FBLN5: variants seen among roughly 807,000 people sequenced by gnomAD.
The protein encoded by FBLN5 is fibulin 5.
FBLN5 carries 24 observed loss-of-function variants against 61.6 expected under a neutral mutation model. The ratio of observed to expected loss-of-function variants is 0.39; its 90% confidence interval spans 0.28 to 0.55. The LOEUF (loss-of-function observed/expected upper bound fraction) is 0.55. Ranked by LOEUF, FBLN5 falls within the 20% of genes least tolerant of loss-of-function variation. FBLN5 has a pLI of 0.65. For synonymous variants in FBLN5, 213 were observed against 219.8 expected, an observed-to-expected ratio of 0.97 and a Z score of 0.27; for missense variants, 470 against 594.1, an observed-to-expected ratio of 0.79 and a Z score of 2.17.
chr14:91,929,782 T>C (rs540913195), intron 4 of FBLN5, among the ~76,000 whole-genome samples: 1 of 152,348 alleles, frequency 6.6e-6, no homozygotes, highest in South Asian at 2.1e-4. Context: ...AATTAAAGGG[T>C]GTTCCCTGGA....
chr14:91,946,665 A>G, intron 1 of FBLN5: 1 of 1,430,026 alleles, frequency 7.0e-7, no homozygotes, highest in Non-Finnish European at 9.5e-7. Flanking sequence ...AGGATTACTT[A>G]ACTGTAATTG....
chr14:91,900,735 G>A (rs1227223259), intron 4 of FBLN5, among the ~76,000 whole-genome samples: 1 of 152,206 alleles, frequency 6.6e-6, no homozygotes, highest in Non-Finnish European at 1.5e-5. Context: ...CTGCCTCGTA[G>A]GTAGATGTGA....
chr14:91,921,861 G>C (rs1287710639), intron 4 of FBLN5, among the ~76,000 whole-genome samples: 1 of 152,178 alleles, frequency 6.6e-6, no homozygotes, highest in African/African-American at 2.4e-5. Flanking sequence ...GTAGAGAAAG[G>C]AGCTGGCATG....
At chr14:91,875,939 A>C (rs1889142915) in intron 10 of FBLN5, among the ~76,000 whole-genome samples, 1 of 152,244 alleles carries the variant, frequency 6.6e-6, no homozygotes, top group South Asian at 2.1e-4. Flanking sequence ...CCAGGTGCTC[A>C]CAGGTTTGAT....
chr14:91,918,705 C>T (rs563535094), intron 4 of FBLN5, among the ~76,000 whole-genome samples: 1 of 152,324 alleles, frequency 6.6e-6, no homozygotes, highest in African/African-American at 2.4e-5. Context: ...ACCTCATCTT[C>T]CTGTTTATCC....
intron 4 of FBLN5, among the ~76,000 whole-genome samples, chr14:91,910,988 A>ATTT (rs34810596): frequency 6.8e-6 from 1 of 147,716 alleles, no homozygotes; most frequent in African/African-American, 2.5e-5. Flanking sequence ...TAGCTTTGTA[A>ATTT]TTTTTTTTTT....
rs1245050125 is a variant in FBLN5, at chr14:91,940,594, T to C, written c.95A>G (p.Asp32Gly). ...ACACTGTCCTGACTGGCGATCCAGG[T>C]CAAAGCCATTCGTGCACTGTGCCTG... ...NAQAQCTNGF[D>G]LDRQSGQCLD... The change falls in exon 3 of 11, where the codon GAC becomes GGC. Residue 32 changes from aspartate to glycine, a missense_variant. Coordinates refer to ENST00000342058, the MANE Select transcript of FBLN5 (RefSeq NM_006329.4). 1.2e-6 allele frequency: 2 copies of C among 1,614,010 alleles called. No individual in the cohort carries two copies. Among genetic ancestry groups the C allele is most frequent in the Non-Finnish European group, 1.7e-6 (2 of 1,179,974 alleles).
chr14:91,920,195 C>G (rs1337734829), intron 4 of FBLN5, among the ~76,000 whole-genome samples: 2 of 152,142 alleles, frequency 1.3e-5, no homozygotes, highest in South Asian at 4.1e-4. Flanking sequence ...ATTTTATTAA[C>G]CCATTTGTGG....
At chr14:91,905,501 A>T (rs1890645773) in intron 4 of FBLN5, among the ~76,000 whole-genome samples, 2 of 152,048 alleles carry the variant, frequency 1.3e-5, no homozygotes, top group South Asian at 4.1e-4. Context: ...ACCTCCTAGG[A>T]CAAGGTGCAG....
chr14:91,932,659 C>A (rs1477911522), intron 4 of FBLN5, among the ~76,000 whole-genome samples: 1 of 152,116 alleles, frequency 6.6e-6, no homozygotes. Flanking sequence ...AAAATTTAAC[C>A]TGAATTGGAT....
At chr14:91,941,531 T>C (rs1450247910) in intron 2 of FBLN5, among the ~76,000 whole-genome samples, 2 of 152,016 alleles carry the variant, frequency 1.3e-5, no homozygotes, top group African/African-American at 4.8e-5. Context: ...TTTGCAGAGA[T>C]GATGTATATG....
rs1479899702 is a variant in FBLN5, at chr14:91,872,465, GTC to G, written c.1186-2082_1186-2081del. Among the ~76,000 whole-genome samples, 4 of 152,244 alleles carry G rather than the reference GTC, an allele frequency of 2.6e-5. No individual in the cohort carries two copies. The East Asian group carries it at 5.8e-4, about 22-fold the overall frequency. On this transcript the variant is annotated intron_variant, in intron 10 of 10. Transcript: ENST00000342058. ...CTGTGCCCAGAAGCTGCAAGCAACAGTCTCTGCAAAATAAAGGAACCTAGCTG... is the reference window on the plus strand; with the variant it reads ...CTGTGCCCAGAAGCTGCAAGCAACAGTCTGCAAAATAAAGGAACCTAGCTG...
intron 10 of FBLN5, among the ~76,000 whole-genome samples, chr14:91,876,333 A>G (rs533337595): frequency 6.6e-6 from 1 of 152,178 alleles, no homozygotes; most frequent in South Asian, 2.1e-4. Flanking sequence ...CCTTTTCAAT[A>G]TGGCTCCCCA....
At chr14:91,877,399 C>G in intron 10 of FBLN5, 88 bp downstream of exon 10, 2 of 1,125,090 alleles carry the variant, frequency 1.8e-6, no homozygotes, top group Non-Finnish European at 2.7e-6. Context: ...CAGCCCCACT[C>G]TTACCTGCTT....
chr14:91,888,028 G>A (rs1889808306), intron 6 of FBLN5, among the ~76,000 whole-genome samples: 1 of 152,236 alleles, frequency 6.6e-6, no homozygotes, highest in Non-Finnish European at 1.5e-5. Context: ...ACCAGGCATA[G>A]TGGCTCATGC....
At chr14:91,890,163 G>A (rs1169336028) in intron 6 of FBLN5, among the ~76,000 whole-genome samples, 1 of 152,162 alleles carries the variant, frequency 6.6e-6, no homozygotes, top group African/African-American at 2.4e-5. Context: ...AGAATTCTTG[G>A]AACAATTAGC....
intron 9 of FBLN5, among the ~76,000 whole-genome samples, chr14:91,878,781 T>C (rs117163689): frequency 0.017 from 2,613 of 152,344 alleles, 31 homozygotes; most frequent in Non-Finnish European, 0.029. Context: ...ATCTAAACCA[T>C]CCAGCCTACT....
In FBLN5 at chr14:91,891,506, G is replaced by A. The variant is rs187797756; in HGVS notation, c.503-169C>T. ...GTGTCACGGATGGTGATGCTGTCTCGAATACAAGGCTCAATCTCCCCACAA... is the reference window on the plus strand; with the variant it reads ...GTGTCACGGATGGTGATGCTGTCTCAAATACAAGGCTCAATCTCCCCACAA... On this transcript the variant is annotated intron_variant, in intron 5 of 10. Coordinates refer to ENST00000342058, the MANE Select transcript of FBLN5 (RefSeq NM_006329.4). Among the ~76,000 whole-genome samples, 57 of 152,204 alleles carry A rather than the reference G, an allele frequency of 3.7e-4. 2 individuals are homozygous for A. Among genetic ancestry groups the A allele is most frequent in the Admixed American group, 2.7e-3 (41 of 15,290 alleles).
intron 4 of FBLN5, among the ~76,000 whole-genome samples, chr14:91,912,686 C>T (rs1368091155): frequency 6.6e-6 from 1 of 150,964 alleles, no homozygotes; most frequent in African/African-American, 2.4e-5. Context: ...GGTGTGCACC[C>T]GTGGTCCCAG....
Sources: gnomAD v4.1 joint callset for allele counts (sites outside exome capture counted in the v4.1 genomes callset) on GRCh38, gnomAD v4.1.1 for gene constraint, MANE v1.5 for transcripts, NCBI Gene and HGNC (gene_info 2026-07-23, HGNC 2026-07-21) for gene names.